The following DCDC1 variants were observed in gnomAD, a reference collection of about 807,000 sequenced individuals.
DCDC1 encodes doublecortin domain-containing protein 1.
A neutral mutation model predicts 178.3 loss-of-function variants in DCDC1; 200 were observed. That is an observed-to-expected ratio of 1.12 (90% CI 1.00 to 1.26). DCDC1 has a LOEUF of 1.26. DCDC1 is among the 50% of genes most tolerant of loss of function. DCDC1 has a pLI of 0.00. For missense variants in DCDC1, 1,983 were observed against 1,749.2 expected (o/e 1.13, Z -2.38); for synonymous variants, 690 against 604.8 (o/e 1.14, Z -2.07).
chr11:31,103,031 A>C (rs1958607030), intron 14 of DCDC1, among the ~76,000 whole-genome samples: 1 of 152,188 alleles, frequency 6.6e-6, no homozygotes, highest in Non-Finnish European at 1.5e-5. Context: ...GGAGTAACGT[A>C]ATTGTTGTGA....
chr11:31,354,433 G>C (rs769382028), intron 1 of DCDC1, among the ~76,000 whole-genome samples: 2 of 152,056 alleles, frequency 1.3e-5, no homozygotes, highest in Non-Finnish European at 2.9e-5. Context: ...TAAATCTTCT[G>C]CTTTCACCAT....
At chr11:31,006,237 A>G (rs142314256) in intron 20 of DCDC1, among the ~76,000 whole-genome samples, 5 of 151,086 alleles carry the variant, frequency 3.3e-5, no homozygotes, top group African/African-American at 1.2e-4. Flanking sequence ...ACACCACACA[A>G]TAGTTGGGTC....
At chr11:31,017,076 C>T (rs186817625) in intron 20 of DCDC1, among the ~76,000 whole-genome samples, 1 of 152,122 alleles carries the variant, frequency 6.6e-6, no homozygotes, top group African/African-American at 2.4e-5. Flanking sequence ...GATGCAGATA[C>T]TACTGTAACA....
intron 9 of DCDC1, among the ~76,000 whole-genome samples, chr11:31,165,126 T>C (rs1432001301): frequency 6.6e-6 from 1 of 152,156 alleles, no homozygotes; most frequent in Non-Finnish European, 1.5e-5. Context: ...AAATAGTCAG[T>C]CATAGATATC....
At chr11:30,942,630 T>C (rs1216099603) in intron 21 of DCDC1, among the ~76,000 whole-genome samples, 1 of 152,194 alleles carries the variant, frequency 6.6e-6, no homozygotes, top group African/African-American at 2.4e-5. Flanking sequence ...GATGAACATA[T>C]CTGAAGTGTG....
intron 6 of DCDC1, among the ~76,000 whole-genome samples, chr11:31,297,486 C>T (rs1591681455): frequency 6.6e-6 from 1 of 151,942 alleles, no homozygotes; most frequent in East Asian, 1.9e-4. Context: ...ACTGGGACAA[C>T]AGGCGCGCAC....
intron 36 of DCDC1, among the ~76,000 whole-genome samples, chr11:30,889,046 G>A (rs2134029103): frequency 6.6e-6 from 1 of 152,282 alleles, no homozygotes; most frequent in Admixed American, 6.5e-5. Flanking sequence ...TTCTGCTCAT[G>A]CATTCAGAAC....
intron 21 of DCDC1, among the ~76,000 whole-genome samples, chr11:30,949,500 A>T (rs534014145): frequency 2.0e-5 from 3 of 152,334 alleles, no homozygotes; most frequent in Admixed American, 2.0e-4. Context: ...CAATCCCATT[A>T]CTTGGTATAT....
intron 20 of DCDC1, among the ~76,000 whole-genome samples, chr11:31,039,701 G>A (rs190094158): frequency 1.9e-4 from 29 of 152,234 alleles, no homozygotes; most frequent in Non-Finnish European, 2.5e-4. Context: ...AGAATGATAT[G>A]ATATTCACAA....
chr11:31,184,576 G>GA (rs1312762687), intron 9 of DCDC1, among the ~76,000 whole-genome samples: 1 of 150,414 alleles, frequency 6.6e-6, no homozygotes, highest in Non-Finnish European at 1.5e-5. Context: ...AAATTTACAA[G>GA]AAAAAAAACA....
rs561204619 is a variant in DCDC1, at chr11:31,149,079, C to A, written c.1222-11295G>T. 2.6e-5 allele frequency among the ~76,000 whole-genome samples: 4 copies of A among 152,314 alleles called. No homozygotes were observed. The South Asian group carries it at 8.3e-4, about 32-fold the overall frequency. On this transcript the variant is annotated intron_variant, in intron 9 of 38. Coordinates refer to ENST00000684477, the MANE Select transcript of DCDC1 (RefSeq NM_001387274.1). ...TGCTGCAAAAGACATTATTTTATTCCTTTTTATGACTGAGTAGTATTTTAT... is the reference window on the plus strand; with the variant it reads ...TGCTGCAAAAGACATTATTTTATTCATTTTTATGACTGAGTAGTATTTTAT...
intron 21 of DCDC1, among the ~76,000 whole-genome samples, chr11:30,947,073 T>C (rs1197481166): frequency 1.3e-5 from 2 of 152,186 alleles, no homozygotes; most frequent in Admixed American, 6.6e-5. Context: ...AAAATAATCA[T>C]TGAGGATTCA....
chr11:31,328,375 G>C, intron 2 of DCDC1, 89 bp from the exon 3 acceptor site: 1 of 1,277,120 alleles, frequency 7.8e-7, no homozygotes, highest in Non-Finnish European at 1.1e-6. Flanking sequence ...CAACTTACTT[G>C]TCATCATGTG....
At chr11:31,067,846 A>G (rs1476778223) in intron 18 of DCDC1, among the ~76,000 whole-genome samples, 1 of 152,178 alleles carries the variant, frequency 6.6e-6, no homozygotes, top group Non-Finnish European at 1.5e-5. Context: ...GGGCAAATCT[A>G]TAAAGGCTGG....
chr11:31,080,040 T>C (rs983371605), intron 17 of DCDC1, among the ~76,000 whole-genome samples: 17 of 152,168 alleles, frequency 1.1e-4, no homozygotes, highest in Admixed American at 7.9e-4. Context: ...AATGTAATTG[T>C]TGCTCAAAAC....
At chr11:30,874,858 C>T (rs976634248) in intron 38 of DCDC1, among the ~76,000 whole-genome samples, 34 of 152,112 alleles carry the variant, frequency 2.2e-4, no homozygotes, top group African/African-American at 8.0e-4. Context: ...TCCAACAGCT[C>T]GACTGAAGCT....
intron 20 of DCDC1, among the ~76,000 whole-genome samples, chr11:31,014,950 C>CT (rs1240423918): frequency 0.014 from 1,952 of 141,224 alleles, 25 homozygotes; most frequent in African/African-American, 0.026. Context: ...TTCTCCTTTT[C>CT]TTTTTTTTTT....
intron 8 of DCDC1, among the ~76,000 whole-genome samples, chr11:31,263,556 A>G (rs1229817527): frequency 2.0e-5 from 3 of 152,242 alleles, no homozygotes; most frequent in Non-Finnish European, 4.4e-5. Context: ...GATATCTAAT[A>G]AAAACATTTT....
intron 9 of DCDC1, among the ~76,000 whole-genome samples, chr11:31,213,444 G>A (rs1017476551): frequency 1.3e-5 from 2 of 151,798 alleles, no homozygotes; most frequent in African/African-American, 2.4e-5. Flanking sequence ...TTCAGCAGGG[G>A]GCGGTGGCTT....
Sources: allele counts gnomAD v4.1 joint callset (sites outside exome capture counted in the v4.1 genomes callset), GRCh38; gene constraint gnomAD v4.1.1; transcripts MANE v1.5; gene names NCBI Gene and HGNC (gene_info 2026-07-23, HGNC 2026-07-21).